The following CABCOCO1 variants were observed in gnomAD, a reference collection of about 807,000 sequenced individuals.
CABCOCO1 encodes the protein ciliary associated calcium binding coiled-coil 1.
Under a neutral mutation model 35.7 loss-of-function variants are expected in CABCOCO1, and 28 were observed. The ratio of observed to expected loss-of-function variants is 0.78; its 90% CI spans 0.58 to 1.07. CABCOCO1 has a LOEUF of 1.07. Among genes scored for constraint, CABCOCO1 ranks in the 50% least tolerant of loss-of-function variants. The probability of loss-of-function intolerance (pLI) is 0.00; values close to 1 mark genes in which losing one functional copy is unlikely to be tolerated. For synonymous variants in CABCOCO1, 95 were observed against 100.1 expected (o/e 0.95, Z 0.30); for missense variants, 326 against 309.2 (o/e 1.05, Z -0.41).
At chr10:61,730,906 T>C (rs1841288152) in intron 5 of CABCOCO1, among the ~76,000 whole-genome samples, 1 of 151,846 alleles carries the variant, frequency 6.6e-6, no homozygotes, top group Non-Finnish European at 1.5e-5. Context: ...TTGTAGGCTC[T>C]TTAAAAATGT....
chr10:61,663,506 A>AG lies in CABCOCO1; in HGVS notation c.60+474_60+475insG, dbSNP rs1238601795. ...TGCTCAAAAGGTGTCATGAAATAAT[A>AG]ACTGTTTACTGGTGATGGACTGATT... On this transcript the variant is annotated intron_variant, in intron 1 of 7. Coordinates refer to ENST00000648843, the MANE Select transcript of CABCOCO1 (RefSeq NM_001366906.2). 2.0e-5 allele frequency among the ~76,000 whole-genome samples: 3 copies of AG among 152,196 alleles called. No individual in the cohort carries two copies. In the East Asian group the frequency reaches 5.8e-4, roughly 29 times the overall value.
At chr10:61,759,324 A>G (rs971302148) in intron 5 of CABCOCO1, among the ~76,000 whole-genome samples, 2 of 152,058 alleles carry the variant, frequency 1.3e-5, no homozygotes, top group African/African-American at 4.8e-5. Flanking sequence ...TAATTAAATG[A>G]ATCAAATGTT....
At position 61,750,613 on chromosome 10, in the gene CABCOCO1, T is replaced by C. The variant is rs773987025; in HGVS notation, c.553-9446T>C. ...GTAACTATCAATGAAGTCAAATCAGTGAGAATCTGTCTGGTTGTTTGGCAT... is the reference window on the plus strand; with the variant it reads ...GTAACTATCAATGAAGTCAAATCAGCGAGAATCTGTCTGGTTGTTTGGCAT... On this transcript the variant is annotated intron_variant, in intron 5 of 7. Coordinates refer to ENST00000648843, the MANE Select transcript of CABCOCO1 (RefSeq NM_001366906.2). 3.3e-5 allele frequency among the ~76,000 whole-genome samples: 5 copies of C among 152,272 alleles called. No individual in the cohort carries two copies. In the East Asian group the frequency reaches 9.7e-4, roughly 29 times the overall value.
chr10:61,760,087 G>A lies in CABCOCO1; in HGVS notation c.581G>A (p.Cys194Tyr), dbSNP rs368297777. The A allele has an allele frequency of 1.3e-5, 21 of 1,612,790 alleles. No homozygotes were observed. Among genetic ancestry groups the A allele is most frequent in the East Asian group, 2.2e-5 (1 of 44,870 alleles). ...GTGATAGAGGTTGTCAAGTCTGCATGTGGCCCTTTCCCAAATCCTCTGGAA... is the reference window on the plus strand; with the variant it reads ...GTGATAGAGGTTGTCAAGTCTGCATATGGCCCTTTCCCAAATCCTCTGGAA... ...EQVIEVVKSA[C>Y]GPFPNPLEEG... is the part of the protein sequence containing the mutation. Residue 194 changes from cysteine (C) to tyrosine (Y), a missense_variant, in exon 6 of 8, where the codon TGT becomes TAT. Cys to Tyr is a radical substitution (Grantham distance 194). Coordinates refer to ENST00000648843, the MANE Select transcript of CABCOCO1 (RefSeq NM_001366906.2).
intron 7 of CABCOCO1, 145 bp downstream of exon 7, chr10:61,761,148 A>T (rs1450993347): frequency 2.4e-6 from 2 of 834,734 alleles, no homozygotes; most frequent in Middle Eastern, 3.5e-4. Flanking sequence ...CATAATTCTC[A>T]GTTGAGTCAT....
chr10:61,695,757 G>C (rs35229380), intron 5 of CABCOCO1, among the ~76,000 whole-genome samples: 15 of 151,842 alleles, frequency 9.9e-5, no homozygotes, highest in African/African-American at 3.1e-4. Context: ...TGTCAATCTA[G>C]AACTTCATTC....
intron 3 of CABCOCO1, among the ~76,000 whole-genome samples, chr10:61,681,732 A>T (rs923686076): frequency 2.6e-5 from 4 of 152,134 alleles, no homozygotes; most frequent in African/African-American, 9.7e-5. Context: ...TGTGTACTGT[A>T]TGGGAAACAA....
chr10:61,766,135 C>T lies in CABCOCO1; in HGVS notation c.*122C>T. ...GTTGTGAAAGGAAAACCAAGCCCCACTTTTTATTTTCCTAAGTAATTAGAA... is the reference window on the plus strand; with the variant it reads ...GTTGTGAAAGGAAAACCAAGCCCCATTTTTTATTTTCCTAAGTAATTAGAA... On this transcript the variant is annotated 3_prime_UTR_variant, in exon 8 of 8. Transcript: ENST00000648843. The T allele has an allele frequency of 2.3e-6, 2 of 880,146 alleles. No individual in the cohort carries two copies. Among genetic ancestry groups the T allele is most frequent in the South Asian group, 2.0e-5 (1 of 50,494 alleles). The allele number at this position is 880,146 out of a possible 1,614,324, so 54.5% of individuals were successfully genotyped here.
At chr10:61,752,150 T>C (rs1297802795) in intron 5 of CABCOCO1, among the ~76,000 whole-genome samples, 1 of 152,144 alleles carries the variant, frequency 6.6e-6, no homozygotes, top group African/African-American at 2.4e-5. Flanking sequence ...CTTTAGGTCA[T>C]TGAAATAATG....
intron 5 of CABCOCO1, among the ~76,000 whole-genome samples, chr10:61,716,716 C>T (rs1244927686): frequency 6.6e-6 from 1 of 152,026 alleles, no homozygotes; most frequent in Non-Finnish European, 1.5e-5. Flanking sequence ...TTTCTAGTTA[C>T]TGAAATAAGA....
chr10:61,677,054 GACTCTGTCTCAAAAAATAA>G (rs1391827762), intron 2 of CABCOCO1, among the ~76,000 whole-genome samples: 1 of 129,634 alleles, frequency 7.7e-6, no homozygotes. Flanking sequence ...AAAAGAGTGA[GACTCTGTCTCAAAAAATAA>G]TAATAATAAT....
At chr10:61,748,279 C>A (rs879667032) in intron 5 of CABCOCO1, among the ~76,000 whole-genome samples, 20 of 152,132 alleles carry the variant, frequency 1.3e-4, no homozygotes, top group Non-Finnish European at 2.8e-4. Flanking sequence ...ACATTTAATT[C>A]TTTAGTAAAT....
At chr10:61,728,905 C>T (rs1230636935) in intron 5 of CABCOCO1, among the ~76,000 whole-genome samples, 1 of 152,124 alleles carries the variant, frequency 6.6e-6, no homozygotes, top group Non-Finnish European at 1.5e-5. Flanking sequence ...GAGGGGAATG[C>T]CAGCGCATGT....
chr10:61,737,137 T>A (rs953046190), intron 5 of CABCOCO1, among the ~76,000 whole-genome samples: 7 of 152,138 alleles, frequency 4.6e-5, no homozygotes, highest in African/African-American at 1.7e-4. Flanking sequence ...ATGCCCTTAA[T>A]TTCTTTCTCT....
intron 5 of CABCOCO1, among the ~76,000 whole-genome samples, chr10:61,718,147 C>T (rs1840912333): frequency 6.6e-6 from 1 of 152,092 alleles, no homozygotes; most frequent in African/African-American, 2.4e-5. Context: ...AAAGTTCCTC[C>T]CAAAGCGTAG....
chr10:61,747,912 G>T (rs1335282555), intron 5 of CABCOCO1, among the ~76,000 whole-genome samples: 1 of 152,030 alleles, frequency 6.6e-6, no homozygotes, highest in Non-Finnish European at 1.5e-5. Context: ...AAACCAGAAC[G>T]ACCCTTCAAA....
Position 61,671,673 on chromosome 10 carries a change from G to A in CABCOCO1, c.61-959G>A, listed in dbSNP as rs765922727. Among the ~76,000 whole-genome samples, 74 of 152,158 alleles carry A rather than the reference G, an allele frequency of 4.9e-4. 3 individuals carry two copies. Among genetic ancestry groups the A allele is most frequent in the Non-Finnish European group, 1.9e-4 (13 of 68,002 alleles). On this transcript the variant is annotated intron_variant, in intron 1 of 7. Transcript: ENST00000648843. ...TTTCATCCACACTGCCAAGGAGACC[G>A]GAGCAGCCCAACGCTTCATCCCTGC...
At chr10:61,716,995 AAAAAG>A (rs1418230245) in intron 5 of CABCOCO1, among the ~76,000 whole-genome samples, 1 of 152,162 alleles carries the variant, frequency 6.6e-6, no homozygotes, top group Non-Finnish European at 1.5e-5. Context: ...TTGGGGAGAA[AAAAAG>A]AAAAGAAAAA....
chr10:61,713,449 A>G (rs924406588), intron 5 of CABCOCO1, among the ~76,000 whole-genome samples: 1 of 152,102 alleles, frequency 6.6e-6, no homozygotes. Flanking sequence ...AAGCATGTCA[A>G]CTGCAAACAG....
Sources: gnomAD v4.1 joint callset for allele counts (sites outside exome capture counted in the v4.1 genomes callset) on GRCh38, gnomAD v4.1.1 for gene constraint, MANE v1.5 for transcripts, NCBI Gene and HGNC (gene_info 2026-07-23, HGNC 2026-07-21) for gene names.